Variants in RBFOX1 observed in about 807,000 individuals in gnomAD.
The protein encoded by RBFOX1 is RNA binding fox-1 homolog 1.
RBFOX1 carries 8 observed loss-of-function variants against 57.7 expected under a neutral mutation model. That is an observed-to-expected ratio of 0.14 (90% CI 0.08 to 0.25). The LOEUF (loss-of-function observed/expected upper bound fraction) is 0.25, where lower values mean the gene tolerates loss of function less well. Ranked by LOEUF, RBFOX1 falls within the 10% of genes least tolerant of loss-of-function variation. RBFOX1 has a pLI of 1.00. For synonymous variants in RBFOX1, 326 were observed against 222.4 expected (o/e 1.47, Z -4.15); for missense variants, 611 against 548.5 (o/e 1.11, Z -1.14).
At position 6,658,654 on chromosome 16, in the gene RBFOX1, C is replaced by T. The variant is rs370276226; in HGVS notation, c.-16+4004C>T. ...TCTTTATCCCAGAAGCCTATTTTCT[C>T]TCAGGCTGACAGGAAACTAATTGCC... On this transcript the variant is annotated intron_variant, in intron 3 of 15. Transcript: ENST00000550418. 1.1e-4 allele frequency among the ~76,000 whole-genome samples: 16 copies of T among 152,292 alleles called. No homozygotes were observed. In the South Asian group the frequency reaches 1.4e-3, roughly 14 times the overall value.
intron 1 of RBFOX1, among the ~76,000 whole-genome samples, chr16:6,306,250 A>G (rs1461597949): frequency 3.3e-5 from 5 of 152,140 alleles, no homozygotes; most frequent in African/African-American, 1.2e-4. Flanking sequence ...GCAGAAACCA[A>G]TCAAAGGAGG....
At chr16:7,217,599 G>A (rs898767542) in intron 4 of RBFOX1, among the ~76,000 whole-genome samples, 2 of 151,912 alleles carry the variant, frequency 1.3e-5, no homozygotes, top group East Asian at 3.9e-4. Flanking sequence ...TGAGAGGCCT[G>A]GTTCTGAGAA....
At chr16:6,689,948 T>A (rs990728390) in intron 3 of RBFOX1, among the ~76,000 whole-genome samples, 1 of 152,152 alleles carries the variant, frequency 6.6e-6, no homozygotes, top group African/African-American at 2.4e-5. Flanking sequence ...GGTGTAAGAG[T>A]TGACTGTTCC....
At chr16:5,833,294 C>G (rs1309718522) in intron 3 of RBFOX1, among the ~76,000 whole-genome samples, 1 of 151,918 alleles carries the variant, frequency 6.6e-6, no homozygotes, top group African/African-American at 2.4e-5. Flanking sequence ...GAGATCGAGA[C>G]CATCCTGGCT....
intron 3 of RBFOX1, among the ~76,000 whole-genome samples, chr16:5,619,408 G>T (rs2048138637): frequency 6.6e-6 from 1 of 152,128 alleles, no homozygotes; most frequent in African/African-American, 2.4e-5. Flanking sequence ...CCTGGGGCTG[G>T]GACTAGATTG....
At chr16:7,617,688 T>A (rs1014565466) in intron 10 of RBFOX1, among the ~76,000 whole-genome samples, 6 of 152,190 alleles carry the variant, frequency 3.9e-5, no homozygotes, top group Non-Finnish European at 8.8e-5. Context: ...AATTATAGTA[T>A]CGGGCGCTAG....
intron 3 of RBFOX1, among the ~76,000 whole-genome samples, chr16:6,747,468 C>CTGTCTGTG (rs753434739): frequency 1.3e-5 from 2 of 151,780 alleles, no homozygotes; most frequent in South Asian, 2.1e-4. Context: ...GTCTGTCTGT[C>CTGTCTGTG]TGTCTGTTTA....
intron 14 of RBFOX1, among the ~76,000 whole-genome samples, chr16:7,706,010 A>G (rs538065910): frequency 1.1e-4 from 16 of 152,234 alleles, no homozygotes; most frequent in African/African-American, 3.9e-4. Flanking sequence ...ACCTCTTCCC[A>G]TCATTCCTGT....
At chr16:6,646,015 G>A (rs935378320) in intron 2 of RBFOX1, among the ~76,000 whole-genome samples, 1 of 152,010 alleles carries the variant, frequency 6.6e-6, no homozygotes, top group African/African-American at 2.4e-5. Flanking sequence ...AGGGTTTCCC[G>A]GCTACAAAAA....
chr16:5,416,152 T>G (rs1240769100), intron 1 of RBFOX1, among the ~76,000 whole-genome samples: 1 of 152,222 alleles, frequency 6.6e-6, no homozygotes, highest in Non-Finnish European at 1.5e-5. Flanking sequence ...CCAGACACTT[T>G]GTTTCACATC....
At chr16:5,495,653 T>C (rs1597297185) in intron 2 of RBFOX1, among the ~76,000 whole-genome samples, 1 of 152,228 alleles carries the variant, frequency 6.6e-6, no homozygotes, top group African/African-American at 2.4e-5. Flanking sequence ...GGATTTGACC[T>C]AGGTCTCAGG....
At chr16:6,222,329 A>T (rs2097379844) in intron 1 of RBFOX1, among the ~76,000 whole-genome samples, 1 of 152,152 alleles carries the variant, frequency 6.6e-6, no homozygotes, top group Admixed American at 6.5e-5. Context: ...TGAAAGACTA[A>T]TTTAAAAAAT....
At chr16:7,507,642 C>G (rs535949534) in intron 4 of RBFOX1, among the ~76,000 whole-genome samples, 53 of 148,196 alleles carry the variant, frequency 3.6e-4, no homozygotes, top group African/African-American at 1.3e-3. Context: ...TGGCTCGCTG[C>G]AAGCTCCGCC....
At chr16:7,127,763 C>G (rs2068986805) in intron 4 of RBFOX1, among the ~76,000 whole-genome samples, 1 of 152,142 alleles carries the variant, frequency 6.6e-6, no homozygotes, top group Admixed American at 6.5e-5. Context: ...TCCTCATAGC[C>G]CCGTGGAGGC....
chr16:5,756,223 CAAAAAAAAAA>C (rs5815266), intron 3 of RBFOX1, among the ~76,000 whole-genome samples: 2 of 50,954 alleles, frequency 3.9e-5, no homozygotes, highest in East Asian at 7.7e-4. Context: ...TCCACATAAG[CAAAAAAAAAA>C]AAAAAAAAAA....
In RBFOX1 at chr16:6,007,818, A is replaced by G. The variant is rs75281078; in HGVS notation, c.351+140483A>G. ...CTTAGCCAAGAGGTGAGGGATGCAC[A>G]GAACTTTGATATCTAGCAGCCGTGG... On this transcript the variant is annotated intron_variant, in intron 4 of 19. Transcript: ENST00000641259. Among the ~76,000 whole-genome samples the G allele has an allele frequency of 3.2e-3, 490 of 152,312 alleles. 4 individuals carry two copies. The highest frequency in any genetic ancestry group is 0.011 in the African/African-American group (476 of 41,570).
At chr16:6,026,304 G>A (rs1266037422) in intron 1 of RBFOX1, among the ~76,000 whole-genome samples, 2 of 152,202 alleles carry the variant, frequency 1.3e-5, no homozygotes, top group African/African-American at 4.8e-5. Context: ...AGCCCCATAT[G>A]GAAATAATGA....
chr16:6,558,145 G>A (rs926741053), intron 2 of RBFOX1, among the ~76,000 whole-genome samples: 1 of 151,968 alleles, frequency 6.6e-6, no homozygotes, highest in Admixed American at 6.6e-5. Context: ...AAAAAATATC[G>A]GTTGCCCAGA....
intron 3 of RBFOX1, chr16:6,874,082 C>A (rs1603635133): frequency 6.6e-6 from 1 of 152,182 alleles, no homozygotes; most frequent in African/African-American, 2.4e-5. Context: ...GACACTTGCA[C>A]ATGCATGTTT....
Sources: gnomAD v4.1 joint callset for allele counts (sites outside exome capture counted in the v4.1 genomes callset) on GRCh38, gnomAD v4.1.1 for gene constraint, MANE v1.5 for transcripts, NCBI Gene and HGNC (gene_info 2026-07-23, HGNC 2026-07-21) for gene names.